Variants in ALMS1 observed in about 807,000 individuals in gnomAD.
ALMS1 encodes the protein ALMS1 centrosome and basal body associated protein, also known as centrosome-associated protein ALMS1.
ALMS1 carries 271 observed loss-of-function variants against 352.2 expected under a neutral mutation model. The ratio of observed to expected loss-of-function variants is 0.77; its 90% CI spans 0.70 to 0.85. ALMS1 has a LOEUF of 0.85. Among genes scored for constraint, ALMS1 ranks in the 40% least tolerant of loss-of-function variants. The pLI is 0.00. For missense variants in ALMS1, 5,445 were observed against 4,870.7 expected, an observed-to-expected ratio of 1.12 and a Z score of -3.51; for synonymous variants, 1,865 against 1,761.2, an observed-to-expected ratio of 1.06 and a Z score of -1.48.
At chr2:73,386,878 C>G (rs987564151) in intron 1 of ALMS1, among the ~76,000 whole-genome samples, 1 of 152,180 alleles carries the variant, frequency 6.6e-6, no homozygotes, top group African/African-American at 2.4e-5. Context: ...GCCCTTACCC[C>G]CCTTTTTTTA....
chr2:73,396,512 T>C (rs1296616980), intron 1 of ALMS1, among the ~76,000 whole-genome samples: 4 of 151,210 alleles, frequency 2.6e-5, no homozygotes, highest in Non-Finnish European at 4.4e-5. Flanking sequence ...CATTAATTCT[T>C]TGAAAGTTCG....
chr2:73,541,290 T>A (rs572626973), intron 12 of ALMS1, among the ~76,000 whole-genome samples: 29 of 152,196 alleles, frequency 1.9e-4, no homozygotes, highest in African/African-American at 6.5e-4. Context: ...CATAACGAAA[T>A]GAAGGCAGAA....
At chr2:73,487,053 A>G (rs1288839187) in intron 9 of ALMS1, among the ~76,000 whole-genome samples, 2 of 152,174 alleles carry the variant, frequency 1.3e-5, no homozygotes, top group African/African-American at 4.8e-5. Context: ...GTCTTAAACA[A>G]AGAAGAAGAG....
intron 12 of ALMS1, among the ~76,000 whole-genome samples, chr2:73,539,013 G>A (rs1364433859): frequency 2.6e-5 from 4 of 152,200 alleles, no homozygotes; most frequent in African/African-American, 9.6e-5. Context: ...AAATGTCCCT[G>A]TCTGACAGCT....
At chr2:73,446,391 C>T (rs1430428083) in intron 7 of ALMS1, among the ~76,000 whole-genome samples, 2 of 152,134 alleles carry the variant, frequency 1.3e-5, no homozygotes, top group Non-Finnish European at 2.9e-5. Flanking sequence ...GGTTTATTAG[C>T]TTCTTGAGCC....
In ALMS1 at chr2:73,438,488, G is replaced by A. The variant is rs535768238; in HGVS notation, c.1432+6197G>A. Among the ~76,000 whole-genome samples, 456 of 152,324 alleles carry A rather than the reference G, an allele frequency of 3.0e-3. 4 individuals are homozygous for A. The highest frequency in any genetic ancestry group is 4.9e-3 in the Non-Finnish European group (336 of 68,038). ...ATCGGTGACACCATTAGAAAGTAGG[G>A]TAGTGAATTTAGTTTTGGACATACT... On this transcript the variant is annotated intron_variant, in intron 7 of 22. Transcript: ENST00000613296.
intron 7 of ALMS1, among the ~76,000 whole-genome samples, chr2:73,435,761 T>C (rs1490461257): frequency 6.6e-6 from 1 of 152,088 alleles, no homozygotes; most frequent in Non-Finnish European, 1.5e-5. Context: ...TGAGCTAATT[T>C]TTCAAAAAAT....
At chr2:73,417,199 G>T (rs1671196946) in intron 2 of ALMS1, among the ~76,000 whole-genome samples, 1 of 152,086 alleles carries the variant, frequency 6.6e-6, no homozygotes, top group Admixed American at 6.5e-5. Flanking sequence ...AGAAAAAATA[G>T]ATATATTCCT....
rs373004988 is a variant in ALMS1, at chr2:73,453,540, C to A, written c.7013C>A (p.Thr2338Lys). Residue 2338 changes from threonine (T) to lysine (K), a missense_variant, in exon 8 of 23, where the codon ACA (threonine) becomes AAA (lysine). By Grantham distance (78) the Thr-to-Lys change is moderately conservative. Transcript: ENST00000613296. Reference protein sequence around the residue: ...SSRCIQKDIGTQTNLKCRRGI... With the variant: ...SSRCIQKDIGKQTNLKCRRGI... ...AGGTGCATACAGAAGGATATTGGCA[C>A]ACAGACGAATTTGAAATGCCGGAGA... 2 of 1,613,588 alleles carry A rather than the reference C, an allele frequency of 1.2e-6. No individual in the cohort carries two copies. Among genetic ancestry groups the A allele is most frequent in the African/African-American group, 1.3e-5 (1 of 74,784 alleles).
intron 10 of ALMS1, among the ~76,000 whole-genome samples, chr2:73,498,950 G>T (rs1287586919): frequency 1.3e-5 from 2 of 152,038 alleles, no homozygotes; most frequent in Non-Finnish European, 2.9e-5. Flanking sequence ...TTTCTTTTGG[G>T]TATATACTCA....
intron 22 of ALMS1, 122 bp downstream of exon 22, chr2:73,608,696 G>A (rs1675873024): frequency 1.3e-6 from 1 of 781,608 alleles, no homozygotes; most frequent in Non-Finnish European, 2.2e-6. Context: ...AATGAACTTA[G>A]AATGCACTGG....
intron 21 of ALMS1, 65 bp from the exon 22 acceptor site, chr2:73,608,410 A>G: frequency 7.9e-7 from 1 of 1,259,646 alleles, no homozygotes; most frequent in South Asian, 1.2e-5. Flanking sequence ...ATGAGAGGAG[A>G]TCTCATGACT....
At chr2:73,587,996 A>G (rs1018935114) in intron 16 of ALMS1, among the ~76,000 whole-genome samples, 1 of 152,212 alleles carries the variant, frequency 6.6e-6, no homozygotes, top group Non-Finnish European at 1.5e-5. Flanking sequence ...GAACAGACCA[A>G]TAACAAGTAG....
chr2:73,550,225 G>C, intron 12 of ALMS1, 42 bp from the exon 13 acceptor site: 2 of 1,609,578 alleles, frequency 1.2e-6, no homozygotes, highest in South Asian at 2.2e-5. Context: ...TCAATCTCAT[G>C]TCGCTATTTG....
At chr2:73,415,216 C>CA (rs1364615514) in intron 2 of ALMS1, among the ~76,000 whole-genome samples, 1 of 151,736 alleles carries the variant, frequency 6.6e-6, no homozygotes, top group Non-Finnish European at 1.5e-5. Context: ...AGGTATAACA[C>CA]AAAGAATATT....
intron 21 of ALMS1, among the ~76,000 whole-genome samples, chr2:73,605,051 G>A (rs1240263335): frequency 6.6e-6 from 1 of 152,208 alleles, no homozygotes; most frequent in Non-Finnish European, 1.5e-5. Context: ...GTCGTGAGCT[G>A]AACCAGCTGC....
Position 73,452,991 on chromosome 2 carries a change from A to G in ALMS1, c.6464A>G (p.Asp2155Gly), listed in dbSNP as rs58093963. Residue 2155 changes from aspartate (D) to glycine (G), a missense_variant, in exon 8 of 23, where the codon GAT (aspartate) becomes GGT (glycine). Coordinates refer to ENST00000613296, the MANE Select transcript of ALMS1 (RefSeq NM_001378454.1). ...AAACCAGATATTTTCTATCAAAAGGATTTGCCAGATAGACATCTAACTGAA... is the reference window on the plus strand; with the variant it reads ...AAACCAGATATTTTCTATCAAAAGGGTTTGCCAGATAGACATCTAACTGAA... The part of the protein sequence containing the change: ...REKPDIFYQK[D>G]LPDRHLTEDA... 1.2e-3 allele frequency: 1,861 copies of G among 1,612,596 alleles called. 18 individuals are homozygous for G. The African/African-American group carries it at 0.013, about 11-fold the overall frequency.
rs1270212178 is a variant in ALMS1 at position 73,557,244 on chromosome 2, C to G, written c.10103C>G (p.Thr3368Ser). The G allele has an allele frequency of 6.2e-7, 1 of 1,614,102 alleles. No individual in the cohort carries two copies. Among genetic ancestry groups the G allele is most frequent in the Non-Finnish European group, 8.5e-7 (1 of 1,180,024 alleles). The part of the protein sequence containing the change: ...NADASVQVLI[T>S]GDENLSDKKQ... Reference sequence around the variant, plus strand: ...GATGCCTCAGTTCAAGTGCTAATCACTGGGGATGAGAACCTCTCAGACAAA... The same window carrying G: ...GATGCCTCAGTTCAAGTGCTAATCAGTGGGGATGAGAACCTCTCAGACAAA... The change falls in exon 14 of 23, where the codon ACT becomes AGT. Residue 3368 changes from threonine (T) to serine (S), a missense_variant. By Grantham distance (58) the Thr-to-Ser change is moderately conservative. Coordinates refer to ENST00000613296, the MANE Select transcript of ALMS1 (RefSeq NM_001378454.1).
At position 73,572,651 on chromosome 2, in the gene ALMS1, A is replaced by C. The variant is rs200467041; in HGVS notation, c.10774A>C (p.Thr3592Pro). Residue 3592 changes from threonine (T) to proline (P), a missense_variant, in exon 16 of 23, where the codon ACT (threonine) becomes CCT (proline). Physicochemically the swap from Thr to Pro is conservative, Grantham distance 38 (BLOSUM62 -1). Coordinates refer to ENST00000613296, the MANE Select transcript of ALMS1 (RefSeq NM_001378454.1). ...TCAGAAGGTCACCCCAGAGCAAACA[A>C]CTCAGCACACTGTGAGTTTGAATGA... Reference protein sequence around the residue: ...RDQKVTPEQTTQHTVSLNELW... With the variant: ...RDQKVTPEQTPQHTVSLNELW... The C allele has an allele frequency of 1.2e-4, 190 of 1,614,040 alleles. 1 individual carries two copies. The South Asian group carries it at 1.9e-3, about 17-fold the overall frequency.
Sources: allele counts gnomAD v4.1 joint callset (sites outside exome capture counted in the v4.1 genomes callset), GRCh38; gene constraint gnomAD v4.1.1; transcripts MANE v1.5; gene names NCBI Gene and HGNC (gene_info 2026-07-23, HGNC 2026-07-21).